The following MAPK10 variants were observed in gnomAD, a reference collection of about 807,000 sequenced individuals.
MAPK10 encodes mitogen-activated protein kinase 10, also known as JNK3 alpha protein kinase.
Under a neutral mutation model 59.3 loss-of-function variants are expected in MAPK10, and 25 were observed. The observed-to-expected ratio is 0.42, with a 90% CI of 0.31 to 0.59. The LOEUF is 0.59. MAPK10 is among the 20% of genes least tolerant of loss of function. The pLI is 0.15. For synonymous variants in MAPK10, 190 were observed against 200.5 expected, an observed-to-expected ratio of 0.95 and a Z score of 0.44; for missense variants, 351 against 568.9, an observed-to-expected ratio of 0.62 and a Z score of 3.90.
At chr4:86,109,692 A>G (rs2057145952) in intron 4 of MAPK10, among the ~76,000 whole-genome samples, 1 of 152,150 alleles carries the variant, frequency 6.6e-6, no homozygotes, top group Non-Finnish European at 1.5e-5. Flanking sequence ...GCTGCAATGG[A>G]CATATGCATG....
At chr4:86,148,122 G>T (rs1002890409) in intron 4 of MAPK10, among the ~76,000 whole-genome samples, 6 of 152,184 alleles carry the variant, frequency 3.9e-5, no homozygotes, top group African/African-American at 1.4e-4. Flanking sequence ...AGCAGACACA[G>T]ATTTTAATAG....
rs776599681 is a variant in MAPK10, at chr4:86,448,935, G to A, written c.-122+4095C>T. ...CAGGCATTAGATTCTTATAGGTAGCGTGCAACCAAGATCCCTTGCATGCAC... is the reference window on the plus strand; with the variant it reads ...CAGGCATTAGATTCTTATAGGTAGCATGCAACCAAGATCCCTTGCATGCAC... On this transcript the variant is annotated intron_variant, in intron 1 of 13. Coordinates refer to the MAPK10 transcript ENST00000361569. Among the ~76,000 whole-genome samples, 17 of 152,246 alleles carry A rather than the reference G, an allele frequency of 1.1e-4. No homozygotes were observed. In the South Asian group the frequency reaches 2.9e-3, roughly 26 times the overall value.
intron 3 of MAPK10, among the ~76,000 whole-genome samples, chr4:86,165,749 T>C (rs978007459): frequency 6.6e-6 from 1 of 151,790 alleles, no homozygotes; most frequent in Non-Finnish European, 1.5e-5. Flanking sequence ...CTTAGTGATA[T>C]TTAGGATTAA....
At chr4:86,216,888 T>C (rs2087826100) in intron 2 of MAPK10, among the ~76,000 whole-genome samples, 1 of 152,146 alleles carries the variant, frequency 6.6e-6, no homozygotes, top group Non-Finnish European at 1.5e-5. Flanking sequence ...TTATGTATAT[T>C]TGTTTCATAA....
At chr4:86,505,439 C>G (rs1755672035) in intron 1 of MAPK10, among the ~76,000 whole-genome samples, 1 of 151,960 alleles carries the variant, frequency 6.6e-6, no homozygotes, top group African/African-American at 2.4e-5. Flanking sequence ...AGAGAGACCT[C>G]ATCTCTACTA....
chr4:86,142,188 A>G (rs2063779780), intron 4 of MAPK10, among the ~76,000 whole-genome samples: 1 of 152,162 alleles, frequency 6.6e-6, no homozygotes, highest in South Asian at 2.1e-4. Context: ...AAATTTCAAC[A>G]TGAGTTTTGG....
rs1229984257 is a variant in MAPK10 at position 86,168,787 on chromosome 4, C to T, written c.67-9320G>A. Among the ~76,000 whole-genome samples the T allele has an allele frequency of 2.3e-4, 35 of 152,282 alleles. 1 individual carries two copies. The highest frequency in any genetic ancestry group is 8.5e-4 in the Admixed American group (13 of 15,300). ...AAGTGGGTCCCTGACCCCTGACCCC[C>T]GAGCAGCCCAACTGGGAGGCACCCC... On this transcript the variant is annotated intron_variant, in intron 3 of 13. Coordinates refer to ENST00000641462, the MANE Select transcript of MAPK10 (RefSeq NM_138982.4).
chr4:86,441,088 A>G (rs1262144979), intron 1 of MAPK10, among the ~76,000 whole-genome samples: 1 of 152,204 alleles, frequency 6.6e-6, no homozygotes, highest in Non-Finnish European at 1.5e-5. Context: ...AAAATATTAA[A>G]CTATTATATT....
At position 86,168,179 on chromosome 4, in the gene MAPK10, T is replaced by G. The variant is rs1397850884; in HGVS notation, c.67-8712A>C. On this transcript the variant is annotated intron_variant, in intron 3 of 13. Transcript: ENST00000641462. ...TGCATTTCCATCTGAGGTACCGGGT[T>G]CATCTCACTAGGGAGTGCCAGACAG... 2.0e-5 allele frequency among the ~76,000 whole-genome samples: 3 copies of G among 152,300 alleles called. 1 individual carries two copies. The East Asian group carries it at 5.8e-4, about 29-fold the overall frequency.
intron 11 of MAPK10, among the ~76,000 whole-genome samples, chr4:86,055,033 A>G (rs1379323664): frequency 2.0e-5 from 3 of 152,208 alleles, no homozygotes; most frequent in Non-Finnish European, 2.9e-5. Context: ...AAAGAGAATC[A>G]TGATGTCTCA....
At position 86,064,393 on chromosome 4, in the gene MAPK10, G is replaced by A; in HGVS notation, c.986-3C>T. On this transcript the variant is annotated splice_polypyrimidine_tract_variant and splice_region_variant and intron_variant, in intron 10 of 13. Transcript: ENST00000641462. ...CAACAAGTCCCTGGCTTGGCTGGCT[G>A]AAACAATAAATGAGAAAAACAATTA... is the stretch of plus-strand genomic sequence containing the variant. 1 of 1,612,954 alleles carries A rather than the reference G, an allele frequency of 6.2e-7. No homozygotes were observed. Among genetic ancestry groups the A allele is most frequent in the Non-Finnish European group, 8.5e-7 (1 of 1,179,674 alleles).
At position 86,397,888 on chromosome 4, in the gene MAPK10, A is replaced by C. The variant is rs955385276; in HGVS notation, c.-121-43244T>G. ...GCAAAAAAAAAAAAAAAAAAAAAAA[A>C]AACTGGCTTTTTCTCTGTTCCAATC... is the stretch of plus-strand genomic sequence containing the variant. On this transcript the variant is annotated intron_variant, in intron 1 of 13. Transcript: ENST00000361569. Among the ~76,000 whole-genome samples the C allele has an allele frequency of 1.1e-4, 16 of 151,146 alleles. No homozygotes were observed. In the East Asian group the frequency reaches 1.2e-3, roughly 11 times the overall value.
At chr4:86,465,539 G>T (rs1468852811) in intron 1 of MAPK10, among the ~76,000 whole-genome samples, 1 of 152,230 alleles carries the variant, frequency 6.6e-6, no homozygotes, top group Non-Finnish European at 1.5e-5. Flanking sequence ...CGAAAGGCAA[G>T]ATGCTATCAG....
chr4:86,530,467 T>C (rs1053066992), intron 1 of MAPK10, among the ~76,000 whole-genome samples: 1 of 152,208 alleles, frequency 6.6e-6, no homozygotes, highest in Admixed American at 6.5e-5. Flanking sequence ...AACAAGAGTC[T>C]ACTGTCCTAG....
At chr4:86,147,484 T>C (rs1052827483) in intron 4 of MAPK10, among the ~76,000 whole-genome samples, 2 of 152,140 alleles carry the variant, frequency 1.3e-5, no homozygotes, top group Non-Finnish European at 2.9e-5. Flanking sequence ...TAAATATACC[T>C]CCAATACTGA....
chr4:86,275,288 G>T (rs970157509), intron 2 of MAPK10, among the ~76,000 whole-genome samples: 3 of 151,934 alleles, frequency 2.0e-5, no homozygotes, highest in African/African-American at 7.2e-5. Context: ...TGTGTAAAAT[G>T]CAAGGTCACT....
intron 1 of MAPK10, among the ~76,000 whole-genome samples, chr4:86,400,855 A>G (rs955401915): frequency 6.6e-6 from 1 of 152,190 alleles, no homozygotes; most frequent in African/African-American, 2.4e-5. Flanking sequence ...TCAGTGAAAT[A>G]CAAGTATGCC....
At chr4:86,092,032 G>A (rs962979898) in intron 9 of MAPK10, among the ~76,000 whole-genome samples, 4 of 152,024 alleles carry the variant, frequency 2.6e-5, no homozygotes, top group African/African-American at 9.7e-5. Context: ...TCTTTTTGGT[G>A]TGGGGGATCT....
At chr4:86,453,983 C>G (rs1263263714), upstream of MAPK10, among the ~76,000 whole-genome samples, 2 of 152,198 alleles carry the variant, frequency 1.3e-5, no homozygotes, top group African/African-American at 4.8e-5. Flanking sequence ...GCCTGTTAGA[C>G]TTGCTGGGTG....
Sources: gnomAD v4.1 joint callset for allele counts (sites outside exome capture counted in the v4.1 genomes callset) on GRCh38, gnomAD v4.1.1 for gene constraint, MANE v1.5 for transcripts, NCBI Gene and HGNC (gene_info 2026-07-23, HGNC 2026-07-21) for gene names.